MYH14: variants seen among roughly 807,000 people sequenced by gnomAD.
MYH14 encodes the protein myosin-14.
MYH14 carries 123 observed loss-of-function variants against 255.5 expected under a neutral mutation model. The observed-to-expected ratio is 0.48, with a 90% CI of 0.42 to 0.56. The LOEUF (loss-of-function observed/expected upper bound fraction) is 0.56. MYH14 is among the 20% of genes least tolerant of loss of function. MYH14 has a pLI of 0.00. For synonymous variants in MYH14, 1,095 were observed against 1,161.2 expected, an observed-to-expected ratio of 0.94 and a Z score of 1.16; for missense variants, 2,423 against 2,802.3, an observed-to-expected ratio of 0.86 and a Z score of 3.06.
At chr19:50,237,620 A>AC (rs1369741253) in intron 10 of MYH14, among the ~76,000 whole-genome samples, 2 of 151,934 alleles carry the variant, frequency 1.3e-5, no homozygotes, top group Non-Finnish European at 2.9e-5. Flanking sequence ...GAGCCACCGC[A>AC]CCCGGCCATG....
chr19:50,232,653 A>T (rs1235822005), intron 10 of MYH14, among the ~76,000 whole-genome samples: 2 of 131,866 alleles, frequency 1.5e-5, no homozygotes, highest in Non-Finnish European at 1.6e-5. Context: ...AAGATGGGGG[A>T]GGGAGGGGCA....
At chr19:50,235,691 G>A (rs58799696) in intron 10 of MYH14, among the ~76,000 whole-genome samples, 4,777 of 152,118 alleles carry the variant, frequency 0.031, 229 homozygotes, top group African/African-American at 0.11. Context: ...GGGAGGCTGA[G>A]GTGGGAGGAT....
chr19:50,267,857 G>T (rs761225697), intron 23 of MYH14, among the ~76,000 whole-genome samples: 3 of 152,076 alleles, frequency 2.0e-5, no homozygotes, highest in Non-Finnish European at 2.9e-5. Flanking sequence ...GAGAAGGAAA[G>T]ACCTGAGCCT....
intron 40 of MYH14, among the ~76,000 whole-genome samples, chr19:50,302,696 T>C (rs998769035): frequency 2.0e-5 from 3 of 150,456 alleles, no homozygotes; most frequent in Non-Finnish European, 3.0e-5. Context: ...AGGTCGGGAG[T>C]TCGAGACCAG....
intron 33 of MYH14, among the ~76,000 whole-genome samples, chr19:50,284,398 G>A (rs1276475353): frequency 6.6e-6 from 1 of 151,912 alleles, no homozygotes; most frequent in Non-Finnish European, 1.5e-5. Flanking sequence ...ACGGAGTCTT[G>A]CACTGTTGCC....
chr19:50,228,496 C>T (rs1207078834), intron 8 of MYH14, among the ~76,000 whole-genome samples: 3 of 152,076 alleles, frequency 2.0e-5, no homozygotes, highest in Admixed American at 1.3e-4. Context: ...CCAGCCGGCC[C>T]GTTGGTTCTG....
chr19:50,276,505 C>A lies in MYH14; in HGVS notation c.3681-252C>A, dbSNP rs1330143298. ...TGGGTGATAAGTGAAGACCCCTAAA[C>A]CAAGTCTATGGGAGATCCAGGAAGA... On this transcript the variant is annotated intron_variant, in intron 28 of 42. Transcript: ENST00000642316. This position sits in a 1 kb window ranked among gnomAD's most constrained non-coding sequence, Gnocchi z 4.3. 6.6e-6 allele frequency among the ~76,000 whole-genome samples: 1 copy of A among 152,072 alleles called. No homozygotes were observed. The highest frequency in any genetic ancestry group is 1.5e-5 in the Non-Finnish European group (1 of 68,008).
In MYH14 at chr19:50,289,548, G is replaced by A. The variant is rs750628523; in HGVS notation, c.4865G>A (p.Arg1622His). Reference sequence around the variant, plus strand: ...ACAGCGGCCGAGGATGCCAAGCTGCGTCTGGAGGTGACTGTGCAGGCTCTC... The same window carrying A: ...ACAGCGGCCGAGGATGCCAAGCTGCATCTGGAGGTGACTGTGCAGGCTCTC... The part of the protein sequence containing the change: ...ELTAAEDAKL[R>H]LEVTVQALKT... The change falls in exon 35 of 43, where the codon CGT becomes CAT. Residue 1622 changes from arginine (R) to histidine (H), a missense_variant. Coordinates refer to ENST00000642316, the MANE Select transcript of MYH14 (RefSeq NM_001145809.2). The A allele has an allele frequency of 2.8e-5, 45 of 1,613,016 alleles. No homozygotes were observed. The highest frequency in any genetic ancestry group is 4.0e-5 in the African/African-American group (3 of 75,036).
chr19:50,288,884 A>G (rs886807337), intron 34 of MYH14, among the ~76,000 whole-genome samples: 2 of 152,044 alleles, frequency 1.3e-5, no homozygotes, highest in African/African-American at 4.8e-5. Context: ...GAGTCTCTGA[A>G]AATTCATAAG....
chr19:50,250,139 C>T lies in MYH14; in HGVS notation c.1656+316C>T, dbSNP rs899415459. Among the ~76,000 whole-genome samples the T allele has an allele frequency of 6.6e-6, 1 of 152,188 alleles. No homozygotes were observed. Among genetic ancestry groups the T allele is most frequent in the Admixed American group, 6.5e-5 (1 of 15,278 alleles). Reference sequence around the variant, plus strand: ...TTCTTGAGACGGAGTCTCGCTCTATCGCCCAGGCTGGAGTGCAGCGGCGCG... The same window carrying T: ...TTCTTGAGACGGAGTCTCGCTCTATTGCCCAGGCTGGAGTGCAGCGGCGCG... On this transcript the variant is annotated intron_variant, in intron 14 of 42. Coordinates refer to ENST00000642316, the MANE Select transcript of MYH14 (RefSeq NM_001145809.2). The surrounding 1 kb of genome is among the most constrained non-coding windows in gnomAD (Gnocchi z 5.4).
In MYH14 at chr19:50,301,867, C is replaced by A; in HGVS notation, c.5676C>A (p.Thr1892=). ...CTGAGGAGCAGCTAGAGCAAGAGAC[C>A]AGGTAGGTGAGAGCGGAGGCCACAG... is the stretch of plus-strand genomic sequence containing the variant. ...AQAEEQLEQE[T]RERILSGKLV... is the part of the protein sequence containing the mutation. Residue 1892 remains threonine (T), a splice_region_variant and synonymous_variant, in exon 40 of 43, where the codon ACC becomes ACA. Coordinates refer to ENST00000642316, the MANE Select transcript of MYH14 (RefSeq NM_001145809.2). 6.2e-7 allele frequency: 1 copy of A among 1,610,106 alleles called. No individual in the cohort carries two copies. Among genetic ancestry groups the A allele is most frequent in the African/African-American group, 1.3e-5 (1 of 74,982 alleles).
At chr19:50,272,839 C>T (rs1170766881) in intron 27 of MYH14, 108 bp downstream of exon 27, 8 of 1,116,144 alleles carry the variant, frequency 7.2e-6, no homozygotes, top group South Asian at 4.4e-5. Context: ...TGGAGCCACT[C>T]ACCAGCCACA....
chr19:50,295,761 C>T (rs1320572028), intron 39 of MYH14, among the ~76,000 whole-genome samples: 1 of 152,086 alleles, frequency 6.6e-6, no homozygotes, highest in African/African-American at 2.4e-5. Flanking sequence ...CACTGCACTC[C>T]AGCCTGGGCA....
chr19:50,211,932 G>A (rs1341750831), intron 2 of MYH14, among the ~76,000 whole-genome samples: 1 of 152,102 alleles, frequency 6.6e-6, no homozygotes, highest in Non-Finnish European at 1.5e-5. Context: ...AGGCTGCAGT[G>A]AGCTGTGATG....
chr19:50,218,749 C>A (rs67812064), intron 3 of MYH14, among the ~76,000 whole-genome samples: 2 of 151,854 alleles, frequency 1.3e-5, no homozygotes, highest in Non-Finnish European at 2.9e-5. Context: ...TAATCTATCC[C>A]TCACCACCCC....
intron 40 of MYH14, among the ~76,000 whole-genome samples, chr19:50,306,624 A>G (rs1287860238): frequency 6.6e-6 from 1 of 152,236 alleles, no homozygotes; most frequent in Non-Finnish European, 1.5e-5. Context: ...CTTTTTATAC[A>G]GGGTCAGATG....
chr19:50,261,014 T>C, intron 20 of MYH14, among the ~76,000 whole-genome samples: 1 of 61,120 alleles, frequency 1.6e-5, no homozygotes, highest in African/African-American at 6.8e-5. Context: ...TTCCTCATCA[T>C]CCCCTATCAC....
Position 50,306,520 on chromosome 19 carries a change from C to G in MYH14, c.5679-529C>G, listed in dbSNP as rs530466870. ...TCCCTCCCGCTCTGAAGATTCAAGT[C>G]TGCTGAAATAAACTGACAATAAATA... On this transcript the variant is annotated intron_variant, in intron 40 of 42. Coordinates refer to ENST00000642316, the MANE Select transcript of MYH14 (RefSeq NM_001145809.2). 1.2e-4 allele frequency among the ~76,000 whole-genome samples: 18 copies of G among 152,246 alleles called. No individual in the cohort carries two copies. In the South Asian group the frequency reaches 2.9e-3, roughly 25 times the overall value.
intron 8 of MYH14, among the ~76,000 whole-genome samples, chr19:50,229,942 T>G (rs1316711252): frequency 6.6e-6 from 1 of 152,098 alleles, no homozygotes; most frequent in Non-Finnish European, 1.5e-5. Context: ...TGTGACAGAG[T>G]CTCACTCTGT....
Sources: allele counts gnomAD v4.1 joint callset (sites outside exome capture counted in the v4.1 genomes callset), GRCh38; gene constraint gnomAD v4.1.1; non-coding constraint Gnocchi (gnomAD v3.1); transcripts MANE v1.5; gene names NCBI Gene and HGNC (gene_info 2026-07-23, HGNC 2026-07-21).